Variants in TYR observed in about 807,000 individuals in gnomAD.
TYR encodes the protein tyrosinase.
A neutral mutation model predicts 51.5 loss-of-function variants in TYR; 58 were observed. The ratio of observed to expected loss-of-function variants is 1.13; its 90% CI spans 0.91 to 1.40. The LOEUF (loss-of-function observed/expected upper bound fraction) is 1.40. TYR is among the 40% of genes most tolerant of loss of function. TYR has a pLI of 0.00. For missense variants in TYR, 732 were observed against 647.4 expected (o/e 1.13, Z -1.42); for synonymous variants, 263 against 235.2 (o/e 1.12, Z -1.08).
At chr11:89,202,952 A>C (rs1347182077) in intron 2 of TYR, among the ~76,000 whole-genome samples, 1 of 152,254 alleles carries the variant, frequency 6.6e-6, no homozygotes, top group East Asian at 1.9e-4. Context: ...CTCTAGTGTA[A>C]AAGGAGTGGC....
chr11:89,187,747 T>C (rs912113214), intron 1 of TYR, among the ~76,000 whole-genome samples: 2 of 152,112 alleles, frequency 1.3e-5, no homozygotes, highest in African/African-American at 2.4e-5. Context: ...CATAGAATAA[T>C]TGATTTACTG....
At chr11:89,265,707 G>A (rs564132279) in intron 3 of TYR, among the ~76,000 whole-genome samples, 1 of 152,002 alleles carries the variant, frequency 6.6e-6, no homozygotes, top group Non-Finnish European at 1.5e-5. Flanking sequence ...AGAAGAAATA[G>A]GAATCCTTTT....
At chr11:89,195,363 G>A (rs998621802) in intron 2 of TYR, among the ~76,000 whole-genome samples, 1 of 152,164 alleles carries the variant, frequency 6.6e-6, no homozygotes, top group African/African-American at 2.4e-5. Flanking sequence ...TAGTGAAGAT[G>A]TGTAATTTGT....
intron 3 of TYR, among the ~76,000 whole-genome samples, chr11:89,245,649 G>A (rs1329618385): frequency 6.6e-6 from 1 of 152,104 alleles, no homozygotes; most frequent in Non-Finnish European, 1.5e-5. Context: ...CAGGCTGGGC[G>A]TGGTGGCTCA....
intron 3 of TYR, among the ~76,000 whole-genome samples, chr11:89,265,159 C>T (rs1944510938): frequency 6.6e-6 from 1 of 152,024 alleles, no homozygotes; most frequent in Non-Finnish European, 1.5e-5. Context: ...TGGACCCTCA[C>T]TGATGCTTTT....
chr11:89,291,461 T>C (rs578013771), intron 4 of TYR, among the ~76,000 whole-genome samples: 96 of 152,088 alleles, frequency 6.3e-4, no homozygotes, highest in African/African-American at 1.9e-3. Flanking sequence ...TGCTTTCTAA[T>C]TGTATCAGTA....
chr11:89,215,664 A>C (rs1265370744), intron 2 of TYR, among the ~76,000 whole-genome samples: 1 of 152,204 alleles, frequency 6.6e-6, no homozygotes, highest in African/African-American at 2.4e-5. Flanking sequence ...GGGTACAATC[A>C]TGATTGTGTT....
At chr11:89,229,644 G>A (rs1459960178) in intron 3 of TYR, among the ~76,000 whole-genome samples, 5 of 151,862 alleles carry the variant, frequency 3.3e-5, no homozygotes, top group Admixed American at 2.0e-4. Flanking sequence ...CTTATACACA[G>A]AAAAGCCTGA....
At chr11:89,245,363 G>C (rs1415465766) in intron 3 of TYR, among the ~76,000 whole-genome samples, 1 of 152,158 alleles carries the variant, frequency 6.6e-6, no homozygotes, top group African/African-American at 2.4e-5. Flanking sequence ...GAAATTCCGA[G>C]AGGTTAAGTA....
intron 2 of TYR, among the ~76,000 whole-genome samples, chr11:89,214,131 C>G (rs1277645626): frequency 1.3e-5 from 2 of 152,144 alleles, no homozygotes; most frequent in Non-Finnish European, 2.9e-5. Context: ...AAAGAAATAT[C>G]AGAGTGAACA....
intron 2 of TYR, among the ~76,000 whole-genome samples, chr11:89,208,050 C>T (rs556738364): frequency 1.1e-4 from 16 of 152,236 alleles, no homozygotes; most frequent in Admixed American, 2.6e-4. Flanking sequence ...GGGGGGATCA[C>T]GAAGTCAGGA....
intron 3 of TYR, among the ~76,000 whole-genome samples, chr11:89,276,072 G>A (rs992986442): frequency 6.6e-6 from 1 of 151,872 alleles, no homozygotes; most frequent in Non-Finnish European, 1.5e-5. Flanking sequence ...CCTAATCTGT[G>A]TGCAAGGCAC....
In TYR at chr11:89,191,908, C is replaced by T. The variant is rs77560004; in HGVS notation, c.1036+490C>T. The T allele has an allele frequency of 6.2e-4, 193 of 313,584 alleles. 4 individuals carry two copies. The East Asian group carries it at 0.013, about 21-fold the overall frequency. 19.4% of individuals were successfully genotyped at this position (313,584 alleles called of 1,614,324 possible). On this transcript the variant is annotated intron_variant, in intron 2 of 4. Transcript: ENST00000263321. ...TCCATTAAAAGAGAAAAATTAATTT[C>T]ATTTCCAGAACATTTTGTATTGTGG... is the stretch of plus-strand genomic sequence containing the variant.
At chr11:89,187,912 C>T (rs1321287005) in intron 1 of TYR, among the ~76,000 whole-genome samples, 1 of 151,512 alleles carries the variant, frequency 6.6e-6, no homozygotes, top group Non-Finnish European at 1.5e-5. Flanking sequence ...CACCATATTG[C>T]CTTATTCATT....
chr11:89,238,436 T>A (rs568349960), intron 3 of TYR, among the ~76,000 whole-genome samples: 15 of 152,278 alleles, frequency 9.9e-5, no homozygotes, highest in African/African-American at 3.4e-4. Flanking sequence ...TGTATCTTGT[T>A]TTTGTATCCT....
intron 3 of TYR, among the ~76,000 whole-genome samples, chr11:89,254,174 C>A (rs1944361961): frequency 1.3e-5 from 2 of 151,812 alleles, no homozygotes; most frequent in South Asian, 2.1e-4. Context: ...TGGTATGAAA[C>A]CCACTTGATC....
In TYR at chr11:89,227,927, G is replaced by T; in HGVS notation, c.1141G>T (p.Ala381Ser). ...NGTMSQVQGS[A>S]NDPIFLLHHA... ...AACAATGTCCCAGGTACAGGGATCT[G>T]CCAACGATCCTATCTTCCTTCTTCA... The change falls in exon 3 of 5, where the codon GCC (alanine) becomes TCC (serine). Residue 381 changes from alanine to serine, a missense_variant. Coordinates refer to ENST00000263321, the MANE Select transcript of TYR (RefSeq NM_000372.5). 6.2e-7 allele frequency: 1 copy of T among 1,613,558 alleles called. No homozygotes were observed. Among genetic ancestry groups the T allele is most frequent in the South Asian group, 1.1e-5 (1 of 91,084 alleles).
chr11:89,186,157 A>G (rs74600096), intron 1 of TYR, among the ~76,000 whole-genome samples: 5,292 of 152,226 alleles, frequency 0.035, 261 homozygotes, highest in African/African-American at 0.11. Context: ...TGACTTTAGC[A>G]GCAGGATCAC....
chr11:89,238,493 G>T (rs1465066013), intron 3 of TYR, among the ~76,000 whole-genome samples: 1 of 152,080 alleles, frequency 6.6e-6, no homozygotes, highest in Non-Finnish European at 1.5e-5. Context: ...AATTTTAGCA[G>T]ATTTCTTAGG....
Sources: allele counts gnomAD v4.1 joint callset (sites outside exome capture counted in the v4.1 genomes callset), GRCh38; gene constraint gnomAD v4.1.1; transcripts MANE v1.5; gene names NCBI Gene and HGNC (gene_info 2026-07-23, HGNC 2026-07-21).